MYO5B: variants seen among roughly 807,000 people sequenced by gnomAD.
MYO5B encodes unconventional myosin-Vb.
A neutral mutation model predicts 229.3 loss-of-function variants in MYO5B; 143 were observed. The observed-to-expected ratio is 0.62, with a 90% CI of 0.54 to 0.72. The LOEUF is 0.72. Ranked by LOEUF, MYO5B falls within the 30% of genes least tolerant of loss-of-function variation. MYO5B has a pLI of 0.00. For missense variants in MYO5B, 2,321 were observed against 2,331.0 expected (o/e 1.00, Z 0.09); for synonymous variants, 918 against 885.2 (o/e 1.04, Z -0.66).
intron 17 of MYO5B, among the ~76,000 whole-genome samples, chr18:49,913,244 T>C (rs1047341201): frequency 3.3e-5 from 5 of 152,364 alleles, no homozygotes; most frequent in African/African-American, 1.2e-4. Flanking sequence ...GATCTCTACT[T>C]AAACAAATGC....
At chr18:49,959,832 C>T (rs1395994538) in intron 12 of MYO5B, among the ~76,000 whole-genome samples, 2 of 152,164 alleles carry the variant, frequency 1.3e-5, no homozygotes, top group Non-Finnish European at 2.9e-5. Context: ...ACTCCCCACC[C>T]GCCACCAGAC....
intron 1 of MYO5B, among the ~76,000 whole-genome samples, chr18:50,070,933 G>A (rs778800962): frequency 6.6e-6 from 1 of 152,122 alleles, no homozygotes; most frequent in Non-Finnish European, 1.5e-5. Context: ...GCCTCCTCTG[G>A]CCTCAGCCTC....
intron 1 of MYO5B, among the ~76,000 whole-genome samples, chr18:50,105,938 C>T (rs2031751597): frequency 6.6e-6 from 1 of 152,062 alleles, no homozygotes; most frequent in Admixed American, 6.5e-5. Context: ...CATAAACAAG[C>T]CTCCTTTGTA....
In MYO5B at chr18:49,936,221, C is replaced by T. The variant is rs762583655; in HGVS notation, c.2003+31G>A. Reference sequence around the variant, plus strand: ...TTCCACCTGAACCTCTAAGGCTGGGCTGGACAGGCTAATGCCCAGCAGGCA... The same window carrying T: ...TTCCACCTGAACCTCTAAGGCTGGGTTGGACAGGCTAATGCCCAGCAGGCA... On this transcript the variant is annotated intron_variant, in intron 16 of 39. Transcript: ENST00000285039. The T allele has an allele frequency of 3.9e-6, 6 of 1,540,582 alleles. No homozygotes were observed. In the South Asian group the frequency reaches 7.1e-5, roughly 18 times the overall value.
chr18:49,889,928 C>G (rs1942324), intron 22 of MYO5B, among the ~76,000 whole-genome samples: 88,235 of 151,922 alleles, frequency 0.58, 25,760 homozygotes, highest in Middle Eastern at 0.67. Flanking sequence ...CCTCTGTCTC[C>G]CTCTTTGATT....
chr18:50,066,065 G>T (rs1008548517), intron 1 of MYO5B, among the ~76,000 whole-genome samples: 1 of 152,112 alleles, frequency 6.6e-6, no homozygotes, highest in Non-Finnish European at 1.5e-5. Context: ...AGATTTTTTT[G>T]AAGTATTCTA....
In MYO5B at chr18:49,836,858, C is replaced by A. The variant is rs756596410; in HGVS notation, c.5166G>T (p.Trp1722Cys). ...LRYNISQLEE[W>C]LRGRNLHQSG... ...TCTGGTGAAGGTTTCTTCCCCGAAG[C>A]CACTCCTCAAGCTGACTTATATTGT... The change falls in exon 38 of 40, where the codon TGG (tryptophan) becomes TGT (cysteine). Residue 1722 changes from tryptophan to cysteine, a missense_variant. Trp to Cys is a radical substitution (Grantham distance 215). Around this residue, in one of 2 missense-constraint regions of MYO5B, gnomAD observed 208 missense variants for 286.3 expected, o/e 0.73. Transcript: ENST00000285039. 1 of 1,614,096 alleles carries A rather than the reference C, an allele frequency of 6.2e-7. No homozygotes were observed. The highest frequency in any genetic ancestry group is 8.5e-7 in the Non-Finnish European group (1 of 1,179,960).
chr18:49,996,744 A>G (rs2025991737), intron 5 of MYO5B, among the ~76,000 whole-genome samples: 2 of 152,244 alleles, frequency 1.3e-5, no homozygotes, highest in South Asian at 4.1e-4. Flanking sequence ...AGCTCTAAGA[A>G]GTGGAAAATT....
At chr18:49,990,625 C>T (rs986141124) in intron 6 of MYO5B, 105 bp from the exon 7 acceptor site, 6 of 889,368 alleles carry the variant, frequency 6.7e-6, no homozygotes, top group Admixed American at 3.8e-5. Context: ...CTGAGCCCCC[C>T]ACTCTTCCCA....
chr18:49,885,690 C>T (rs77055188), intron 22 of MYO5B, among the ~76,000 whole-genome samples: 9,037 of 152,102 alleles, frequency 0.059, 599 homozygotes, highest in African/African-American at 0.16. Context: ...GCCCCACCCT[C>T]GGCATCAGGT....
intron 4 of MYO5B, among the ~76,000 whole-genome samples, chr18:50,031,416 T>C (rs1001657781): frequency 6.6e-6 from 1 of 152,188 alleles, no homozygotes; most frequent in African/African-American, 2.4e-5. Flanking sequence ...CTCATCTGTA[T>C]TGTGGGGATA....
chr18:49,931,133 ACTCT>A (rs1681794169), intron 16 of MYO5B, among the ~76,000 whole-genome samples: 1 of 151,858 alleles, frequency 6.6e-6, no homozygotes, highest in South Asian at 2.1e-4. Flanking sequence ...TCCTCCTTTC[ACTCT>A]GGGACATGGT....
chr18:49,965,097 A>G (rs530444815), intron 10 of MYO5B, among the ~76,000 whole-genome samples: 172 of 152,358 alleles, frequency 1.1e-3, no homozygotes, highest in African/African-American at 2.7e-3. Flanking sequence ...TGAGCAAGGT[A>G]GTTCTTACTA....
intron 27 of MYO5B, among the ~76,000 whole-genome samples, chr18:49,868,131 T>G (rs1330654914): frequency 2.0e-5 from 3 of 152,070 alleles, no homozygotes; most frequent in African/African-American, 7.2e-5. Flanking sequence ...TATATAAATA[T>G]GCATATAAAA....
chr18:49,902,489 C>T lies in MYO5B; in HGVS notation c.2811+105G>A, dbSNP rs2024852738. The T allele has an allele frequency of 2.6e-6, 4 of 1,521,876 alleles. No individual in the cohort carries two copies. The Admixed American group carries it at 5.0e-5, about 19-fold the overall frequency. The allele number at this position is 1,521,876 out of a possible 1,614,324, so 94.3% of individuals were successfully genotyped here. A position where few individuals can be genotyped will look rare whatever the true frequency, so the allele number is the denominator to read the frequency against. ...TGTGGTCTGAGGACGTCTGTGCTCCCTCGGGTCTTCGGCATGTGCAGTTCC... is the reference window on the plus strand; with the variant it reads ...TGTGGTCTGAGGACGTCTGTGCTCCTTCGGGTCTTCGGCATGTGCAGTTCC... On this transcript the variant is annotated intron_variant, in intron 21 of 39. Coordinates refer to ENST00000285039, the MANE Select transcript of MYO5B (RefSeq NM_001080467.3).
intron 1 of MYO5B, among the ~76,000 whole-genome samples, chr18:50,134,556 A>G (rs1243409760): frequency 7.0e-4 from 7 of 9,948 alleles, no homozygotes; most frequent in African/African-American, 1.0e-3. Context: ...CTCCATCTCA[A>G]TAAATAAATA....
chr18:50,192,393 C>T (rs2033240498), intron 1 of MYO5B, among the ~76,000 whole-genome samples: 1 of 152,190 alleles, frequency 6.6e-6, no homozygotes, highest in African/African-American at 2.4e-5. Flanking sequence ...GCAAAGACTG[C>T]CAAGAGGTGG....
intron 39 of MYO5B, among the ~76,000 whole-genome samples, chr18:49,830,937 A>C (rs1031638291): frequency 1.3e-5 from 2 of 151,774 alleles, no homozygotes; most frequent in African/African-American, 4.8e-5. Context: ...GTACTGGTAT[A>C]CGGACAGACA....
intron 1 of MYO5B, among the ~76,000 whole-genome samples, chr18:50,144,846 A>G (rs1414334849): frequency 1.3e-5 from 2 of 152,120 alleles, no homozygotes; most frequent in Non-Finnish European, 1.5e-5. Context: ...AAAGATGAAG[A>G]CCACCCCTCC....
Sources: allele counts gnomAD v4.1 joint callset (sites outside exome capture counted in the v4.1 genomes callset), GRCh38; gene constraint gnomAD v4.1.1; regional missense constraint gnomAD v4.1.1; transcripts MANE v1.5; gene names NCBI Gene and HGNC (gene_info 2026-07-23, HGNC 2026-07-21).